The following KLC1 variants were observed in gnomAD, a reference collection of about 807,000 sequenced individuals.
KLC1 encodes kinesin light chain 1, also known as kinesin 2 60/70kDa.
KLC1 carries 30 observed loss-of-function variants against 84.2 expected under a neutral mutation model. The observed-to-expected ratio is 0.36, with a 90% CI of 0.27 to 0.48. KLC1 has a LOEUF of 0.48. Among genes scored for constraint, KLC1 ranks in the 20% least tolerant of loss-of-function variants. The pLI is 0.99. For missense variants in KLC1, 499 were observed against 805.4 expected (o/e 0.62, Z 4.60); for synonymous variants, 289 against 293.3 (o/e 0.99, Z 0.15).
intron 9 of KLC1, 80 bp downstream of exon 9, chr14:103,673,511 ACT>A: frequency 1.1e-6 from 1 of 870,040 alleles, no homozygotes; most frequent in Non-Finnish European, 1.8e-6. Flanking sequence ...AGTATTAGTT[ACT>A]GTTTATTAAG....
intron 15 of KLC1, chr14:103,699,258 G>A: frequency 6.5e-7 from 1 of 1,539,816 alleles, no homozygotes; most frequent in African/African-American, 1.4e-5. Flanking sequence ...ACCCGCAGGA[G>A]CCGGAGGCCA....
chr14:103,648,342 G>T (rs2078115601), intron 1 of KLC1, among the ~76,000 whole-genome samples: 1 of 152,170 alleles, frequency 6.6e-6, no homozygotes, highest in African/African-American at 2.4e-5. Flanking sequence ...CATTTATTTT[G>T]ATTTATTTTT....
chr14:103,690,635 G>C (rs947009116), intron 14 of KLC1, among the ~76,000 whole-genome samples: 4 of 18,940 alleles, frequency 2.1e-4, no homozygotes, highest in Non-Finnish European at 9.3e-4. Flanking sequence ...CATGTTCGCT[G>C]TCCCATGTTG....
At chr14:103,659,002 A>T (rs1201837399) in intron 3 of KLC1, among the ~76,000 whole-genome samples, 1 of 136,676 alleles carries the variant, frequency 7.3e-6, no homozygotes, top group Non-Finnish European at 1.6e-5. Context: ...TTTGAGACGA[A>T]GTCTCGCTTT....
At position 103,662,748 on chromosome 14, in the gene KLC1, C is replaced by G. The variant is rs767981532; in HGVS notation, c.618C>G (p.Gly206=). The G allele has an allele frequency of 5.6e-6, 9 of 1,607,824 alleles. No individual in the cohort carries two copies. The highest frequency in any genetic ancestry group is 7.6e-6 in the Non-Finnish European group (9 of 1,177,532). Residue 206 remains glycine, a synonymous_variant, in exon 5 of 17, where the codon GGC becomes GGG. Transcript: ENST00000334553. ...SSAAAAAQQG[G]YEIPARLRTL... is the part of the protein sequence containing the mutation. ...CAGCCGCGGCTGCCCAGCAGGGCGG[C>G]TACGAGATCCCCGCGCGGCTGCGGA...
chr14:103,666,753 C>T lies in KLC1; in HGVS notation c.798-2758C>T, dbSNP rs564453179. On this transcript the variant is annotated intron_variant, in intron 5 of 16. Coordinates refer to ENST00000334553, the MANE Select transcript of KLC1 (RefSeq NM_001394837.1). ...TGCTGGGATTACAGGCGTGAGCCAC[C>T]GTGCCTGGCCATTTTTTTTCTTTCT... Among the ~76,000 whole-genome samples the T allele has an allele frequency of 2.6e-3, 385 of 149,628 alleles. 2 individuals carry two copies. The highest frequency in any genetic ancestry group is 9.0e-3 in the African/African-American group (366 of 40,754).
chr14:103,677,653 G>C, intron 12 of KLC1, 130 bp downstream of exon 12: 2 of 669,704 alleles, frequency 3.0e-6, no homozygotes, highest in South Asian at 3.6e-5. Flanking sequence ...AACAAATAAA[G>C]TTATATTGTT....
chr14:103,698,448 C>T, intron 15 of KLC1: 2 of 352,656 alleles, frequency 5.7e-6, no homozygotes, highest in Non-Finnish European at 1.1e-5. Context: ...CCCAGTTGGG[C>T]TTCCATGTGG....
chr14:103,674,355 A>G (rs564444249), intron 9 of KLC1, among the ~76,000 whole-genome samples: 1 of 152,124 alleles, frequency 6.6e-6, no homozygotes, highest in East Asian at 1.9e-4. Context: ...TTGGTTGTCT[A>G]GAAACTTGCG....
At chr14:103,648,153 G>A (rs975659701) in intron 1 of KLC1, among the ~76,000 whole-genome samples, 7 of 152,140 alleles carry the variant, frequency 4.6e-5, no homozygotes, top group Admixed American at 3.9e-4. Flanking sequence ...GTTTCACCAT[G>A]TTGGCCAGGA....
At chr14:103,645,098 C>T (rs1369010753) in intron 1 of KLC1, among the ~76,000 whole-genome samples, 10 of 152,260 alleles carry the variant, frequency 6.6e-5, no homozygotes, top group African/African-American at 2.4e-4. Flanking sequence ...CTCAGCCTCT[C>T]AAGTAACTGG....
At chr14:103,660,827 A>G (rs2079217873) in intron 3 of KLC1, among the ~76,000 whole-genome samples, 1 of 152,014 alleles carries the variant, frequency 6.6e-6, no homozygotes, top group Non-Finnish European at 1.5e-5. Flanking sequence ...TAAATAAATA[A>G]ATAAAAGATG....
chr14:103,651,497 C>T (rs1158240228), intron 1 of KLC1, among the ~76,000 whole-genome samples: 2 of 152,110 alleles, frequency 1.3e-5, no homozygotes, highest in South Asian at 2.1e-4. Context: ...GCCTTGGCAC[C>T]GTTTATTATA....
intron 9 of KLC1, 59 bp from the exon 10 acceptor site, chr14:103,675,493 C>G: frequency 6.8e-7 from 1 of 1,466,262 alleles, no homozygotes; most frequent in Non-Finnish European, 9.4e-7. Context: ...TAGAGCAGTT[C>G]AGATTTTGGA....
chr14:103,642,010 A>C (rs909699001), intron 1 of KLC1, among the ~76,000 whole-genome samples: 2 of 152,130 alleles, frequency 1.3e-5, no homozygotes, highest in Non-Finnish European at 2.9e-5. Flanking sequence ...AGCTCACTGC[A>C]ACCTCTGCCT....
intron 3 of KLC1, among the ~76,000 whole-genome samples, chr14:103,657,977 G>T (rs779567052): frequency 1.3e-5 from 2 of 152,210 alleles, no homozygotes; most frequent in African/African-American, 2.4e-5. Context: ...TCTGTCCCGA[G>T]GTCTGCCCCA....
At chr14:103,675,658 T>G in intron 10 of KLC1, 31 bp from the exon 11 acceptor site, 1 of 1,605,246 alleles carries the variant, frequency 6.2e-7, no homozygotes, top group South Asian at 1.1e-5. Flanking sequence ...TCAAGATAAT[T>G]ATTCATTTGA....
At chr14:103,699,640 C>T (rs1476626042) in intron 15 of KLC1, 14 of 1,539,344 alleles carry the variant, frequency 9.1e-6, no homozygotes, top group Middle Eastern at 1.7e-4. Context: ...GACCAGACCC[C>T]GTTTGGACTG....
At chr14:103,679,597 G>T (rs1386278927) in intron 13 of KLC1, 52 bp downstream of exon 13, 2 of 1,398,744 alleles carry the variant, frequency 1.4e-6, no homozygotes, top group Non-Finnish European at 2.0e-6. Context: ...CCCAAGTGGC[G>T]CTTGCCAGGC....
Sources: gnomAD v4.1 joint callset for allele counts (sites outside exome capture counted in the v4.1 genomes callset) on GRCh38, gnomAD v4.1.1 for gene constraint, MANE v1.5 for transcripts, NCBI Gene and HGNC (gene_info 2026-07-23, HGNC 2026-07-21) for gene names.